Variants in CNTNAP5 observed in about 807,000 individuals in gnomAD.
CNTNAP5 encodes the protein contactin associated protein family member 5, also known as contactin-associated protein-like 5.
A neutral mutation model predicts 150.2 loss-of-function variants in CNTNAP5; 72 were observed. The ratio of observed to expected loss-of-function variants is 0.48; its 90% CI spans 0.40 to 0.58. The LOEUF is 0.58. CNTNAP5 is among the 20% of genes least tolerant of loss of function. CNTNAP5 has a pLI of 0.00. For missense variants in CNTNAP5, 1,636 were observed against 1,626.2 expected, an observed-to-expected ratio of 1.01 and a Z score of -0.10; for synonymous variants, 672 against 619.8, an observed-to-expected ratio of 1.08 and a Z score of -1.25.
At chr2:124,148,297 T>TAA (rs1166109119) in intron 1 of CNTNAP5, among the ~76,000 whole-genome samples, 1 of 135,710 alleles carries the variant, frequency 7.4e-6, no homozygotes, top group Non-Finnish European at 1.6e-5. Context: ...AGACCCCCTC[T>TAA]AAAAAAAAAA....
intron 11 of CNTNAP5, 76 bp from the exon 12 acceptor site, chr2:124,609,725 G>A: frequency 6.5e-7 from 1 of 1,526,810 alleles, no homozygotes. Context: ...GCAAATCTAA[G>A]TAGGAGTTAC....
chr2:124,507,611 G>C (rs1205086871), intron 8 of CNTNAP5, among the ~76,000 whole-genome samples: 1 of 152,186 alleles, frequency 6.6e-6, no homozygotes, highest in African/African-American at 2.4e-5. Flanking sequence ...AGCCCTTAGA[G>C]AGAATAAATG....
intron 9 of CNTNAP5, among the ~76,000 whole-genome samples, chr2:124,525,986 A>G (rs1205795521): frequency 1.3e-5 from 2 of 152,192 alleles, no homozygotes; most frequent in African/African-American, 4.8e-5. Flanking sequence ...TGGGGTCCGA[A>G]AAGATAACCT....
chr2:124,651,504 C>T (rs1678322412), intron 13 of CNTNAP5, among the ~76,000 whole-genome samples: 1 of 152,112 alleles, frequency 6.6e-6, no homozygotes, highest in Non-Finnish European at 1.5e-5. Flanking sequence ...GTCATTGTCC[C>T]CATCTGATAT....
At chr2:124,637,510 AAC>A (rs1489487320) in intron 12 of CNTNAP5, among the ~76,000 whole-genome samples, 1 of 152,154 alleles carries the variant, frequency 6.6e-6, no homozygotes, top group East Asian at 1.9e-4. Context: ...TCATTTGGCT[AAC>A]ACAGCTCTGC....
chr2:124,344,471 T>C (rs998954856), intron 3 of CNTNAP5, among the ~76,000 whole-genome samples: 2 of 152,110 alleles, frequency 1.3e-5, no homozygotes, highest in Non-Finnish European at 2.9e-5. Context: ...ATAGGCCCCA[T>C]GTAAGTCCAA....
rs147449459 is a variant in CNTNAP5 at position 124,912,983 on chromosome 2, C to T, written c.3728-1109C>T. Among the ~76,000 whole-genome samples, 511 of 152,064 alleles carry T rather than the reference C, an allele frequency of 3.4e-3. 6 individuals are homozygous for T. The highest frequency in any genetic ancestry group is 0.011 in the African/African-American group (467 of 41,510). The stretch of plus-strand genomic sequence containing the variant: ...TGTTCTAACATAGTTGTAGAAAATG[C>T]CACAAAATGATTTAGGAACATATAT... On this transcript the variant is annotated intron_variant, in intron 23 of 23. Transcript: ENST00000682447.
chr2:124,244,777 A>C (rs1278562460), intron 3 of CNTNAP5, among the ~76,000 whole-genome samples: 1 of 152,218 alleles, frequency 6.6e-6, no homozygotes, highest in Admixed American at 6.5e-5. Context: ...TGGGATAACT[A>C]ACAGTTACTA....
chr2:124,698,933 A>T (rs1573555287), intron 13 of CNTNAP5, among the ~76,000 whole-genome samples: 1 of 152,154 alleles, frequency 6.6e-6, no homozygotes, highest in South Asian at 2.1e-4. Context: ...GTGGCAGCCC[A>T]GTGTGAGGAA....
chr2:124,849,822 G>T (rs1238242680), intron 19 of CNTNAP5, among the ~76,000 whole-genome samples: 1 of 152,134 alleles, frequency 6.6e-6, no homozygotes, highest in Non-Finnish European at 1.5e-5. Context: ...TTAGTCTTTT[G>T]CTCTGGGACG....
intron 13 of CNTNAP5, among the ~76,000 whole-genome samples, chr2:124,680,013 A>G (rs1428472473): frequency 6.6e-6 from 1 of 151,712 alleles, no homozygotes; most frequent in Non-Finnish European, 1.5e-5. Context: ...TCGATTTTTT[A>G]TCCTATGGAT....
At chr2:124,058,670 G>T (rs1341273246) in intron 1 of CNTNAP5, among the ~76,000 whole-genome samples, 3 of 151,838 alleles carry the variant, frequency 2.0e-5, no homozygotes, top group Admixed American at 6.6e-5. Context: ...CCTAACACTT[G>T]AAAAAAATGC....
At chr2:124,064,413 A>G (rs1558742670) in intron 1 of CNTNAP5, among the ~76,000 whole-genome samples, 4 of 151,996 alleles carry the variant, frequency 2.6e-5, no homozygotes, top group African/African-American at 7.2e-5. Context: ...TCAATCCCCA[A>G]TCCTGTCAAT....
intron 21 of CNTNAP5, among the ~76,000 whole-genome samples, chr2:124,884,725 C>T (rs1184529527): frequency 6.6e-6 from 1 of 151,968 alleles, no homozygotes; most frequent in Non-Finnish European, 1.5e-5. Flanking sequence ...TCAGGGTCTA[C>T]TAGGTAAAAG....
intron 2 of CNTNAP5, among the ~76,000 whole-genome samples, chr2:124,229,330 A>G (rs1486322978): frequency 6.6e-6 from 1 of 152,160 alleles, no homozygotes; most frequent in Non-Finnish European, 1.5e-5. Context: ...TGCTGTGCCC[A>G]TCAAGGTCTG....
intron 11 of CNTNAP5, among the ~76,000 whole-genome samples, chr2:124,598,812 A>G (rs1573486654): frequency 6.6e-6 from 1 of 151,862 alleles, no homozygotes; most frequent in East Asian, 2.0e-4. Flanking sequence ...TGGGCATAGG[A>G]CCCTCCGAGC....
chr2:124,221,632 A>C, intron 1 of CNTNAP5, 73 bp from the exon 2 acceptor site: 1 of 1,000,086 alleles, frequency 1.0e-6, no homozygotes, highest in Non-Finnish European at 1.5e-6. Flanking sequence ...TTAATTTCTC[A>C]ACTTCTCTTC....
intron 3 of CNTNAP5, among the ~76,000 whole-genome samples, chr2:124,380,928 A>G (rs1014548376): frequency 6.6e-6 from 1 of 152,182 alleles, no homozygotes; most frequent in African/African-American, 2.4e-5. Flanking sequence ...ACTAGTTAAT[A>G]TAATAGAGAA....
At chr2:124,509,168 T>C (rs1272713913) in intron 8 of CNTNAP5, among the ~76,000 whole-genome samples, 4 of 152,210 alleles carry the variant, frequency 2.6e-5, no homozygotes, top group Non-Finnish European at 5.9e-5. Context: ...CCGAGCTTTG[T>C]ACAGTGTGCT....
Sources: gnomAD v4.1 joint callset for allele counts (sites outside exome capture counted in the v4.1 genomes callset) on GRCh38, gnomAD v4.1.1 for gene constraint, MANE v1.5 for transcripts, NCBI Gene and HGNC (gene_info 2026-07-23, HGNC 2026-07-21) for gene names.